Variants in SECISBP2 observed in about 807,000 individuals in gnomAD.
SECISBP2 encodes selenocysteine insertion sequence-binding protein 2.
In SECISBP2, 96 loss-of-function variants were observed where a neutral mutation model predicts 98.2. The ratio of observed to expected loss-of-function variants is 0.98; its 90% CI spans 0.83 to 1.16. SECISBP2 has a LOEUF of 1.16. Among genes scored for constraint, SECISBP2 ranks in the 50% most tolerant of loss-of-function variants. The pLI is 0.00. For synonymous variants in SECISBP2, 407 were observed against 370.2 expected (o/e 1.10, Z -1.14); for missense variants, 1,046 against 1,022.9 (o/e 1.02, Z -0.31).
intron 14 of SECISBP2, among the ~76,000 whole-genome samples, chr9:89,356,193 T>C (rs1016333442): frequency 2.0e-5 from 3 of 152,178 alleles, no homozygotes; most frequent in African/African-American, 7.2e-5. Flanking sequence ...ACAAACTCTG[T>C]TGTAAACTGC....
chr9:89,355,616 A>T, intron 14 of SECISBP2: 2 of 957,444 alleles, frequency 2.1e-6, no homozygotes, highest in Non-Finnish European at 2.5e-6. Context: ...CCATGCAGAG[A>T]CTTTAGGTGT....
Position 89,347,465 on chromosome 9 carries a change from CTT to C in SECISBP2, c.1602+440_1602+441del, listed in dbSNP as rs1184563393. ...CAGTCACAGGCTCCTCCGGTGAATT[CTT>C]TTTTTTTTTTTTTTTTTTTTTTGAG... is the stretch of plus-strand genomic sequence containing the variant. On this transcript the variant is annotated intron_variant, in intron 11 of 16. Transcript: ENST00000375807. Among the ~76,000 whole-genome samples, 858 of 87,344 alleles carry C rather than the reference CTT, an allele frequency of 9.8e-3. 3 individuals are homozygous for C. Among genetic ancestry groups the C allele is most frequent in the African/African-American group, 0.036 (815 of 22,814 alleles). The allele number at this position is 87,344 out of a possible 152,430, so 57.3% of individuals were successfully genotyped here. A position where few individuals can be genotyped will look rare whatever the true frequency, so the allele number is the denominator to read the frequency against.
At chr9:89,349,569 G>A (rs1201367294) in intron 12 of SECISBP2, among the ~76,000 whole-genome samples, 2 of 152,226 alleles carry the variant, frequency 1.3e-5, no homozygotes, top group Non-Finnish European at 2.9e-5. Context: ...ACACCTCCAG[G>A]CATGACTGCC....
In SECISBP2 at chr9:89,339,885, C is replaced by G. The variant is rs1432330173; in HGVS notation, c.1234C>G (p.Leu412Val). Residue 412 changes from leucine (L) to valine (V), a missense_variant, in exon 9 of 17, where the codon CTG becomes GTG. Transcript: ENST00000375807. ...RIEDAEEFPNLAVASERRDRI... is the reference protein window; with the variant it reads ...RIEDAEEFPNVAVASERRDRI... The stretch of plus-strand genomic sequence containing the variant: ...TTAGGATGCCGAGGAATTTCCCAAC[C>G]TGGCAGTTGCATCTGAAAGAAGAGA... The G allele has an allele frequency of 5.0e-6, 8 of 1,613,692 alleles. No homozygotes were observed. The highest frequency in any genetic ancestry group is 1.6e-4 in the Middle Eastern group (1 of 6,062).
At chr9:89,362,565 A>C (rs1832861678), downstream of SECISBP2, 28 of 1,489,932 alleles carry the variant, frequency 1.9e-5, no homozygotes, top group Middle Eastern at 3.7e-4. Flanking sequence ...CCCTCCTTGG[A>C]GTCTAAAGAT....
At chr9:89,338,379 A>G in intron 7 of SECISBP2, 79 bp from the exon 8 acceptor site, 1 of 1,504,702 alleles carries the variant, frequency 6.6e-7, no homozygotes, top group East Asian at 2.3e-5. Flanking sequence ...TTGATATCTT[A>G]ATTTTGTTGA....
At chr9:89,338,020 A>C (rs1463674385) in intron 7 of SECISBP2, among the ~76,000 whole-genome samples, 1 of 152,248 alleles carries the variant, frequency 6.6e-6, no homozygotes, top group African/African-American at 2.4e-5. Flanking sequence ...CACATTTAGC[A>C]GTCCTGGGAT....
At chr9:89,321,219 A>G (rs1425067029) in intron 2 of SECISBP2, among the ~76,000 whole-genome samples, 1 of 152,252 alleles carries the variant, frequency 6.6e-6, no homozygotes, top group Non-Finnish European at 1.5e-5. Flanking sequence ...ACAAAAATAT[A>G]TCTCAGTGAC....
intron 13 of SECISBP2, 81 bp from the exon 14 acceptor site, chr9:89,350,551 C>G: frequency 7.9e-7 from 1 of 1,261,168 alleles, no homozygotes; most frequent in Non-Finnish European, 1.2e-6. Context: ...GTCTACGTCT[C>G]TTCTCCCTGG....
rs1832408353 is a variant in SECISBP2 at position 89,358,266 on chromosome 9, G to A, written c.2461+75G>A. 5.5e-6 allele frequency: 8 copies of A among 1,455,944 alleles called. No homozygotes were observed. The South Asian group carries it at 9.7e-5, about 18-fold the overall frequency. 90.2% of individuals were successfully genotyped at this position (1,455,944 alleles called of 1,614,324 possible). ...TGACTTTAATTAGGAGTCCCTAGGT[G>A]AGCAGCTTGACAATGCTGCAAGACC... On this transcript the variant is annotated intron_variant, in intron 16 of 16. Coordinates refer to ENST00000375807, the MANE Select transcript of SECISBP2 (RefSeq NM_024077.5).
At chr9:89,320,308 A>G (rs1564303100) in intron 2 of SECISBP2, among the ~76,000 whole-genome samples, 2 of 149,562 alleles carry the variant, frequency 1.3e-5, no homozygotes, top group Admixed American at 6.7e-5. Context: ...GTGGGCCAAG[A>G]TAGCACCACT....
chr9:89,318,629 G>C lies in SECISBP2; in HGVS notation c.36+17G>C. On this transcript the variant is annotated intron_variant, in intron 1 of 16. Coordinates refer to ENST00000375807, the MANE Select transcript of SECISBP2 (RefSeq NM_024077.5). The stretch of plus-strand genomic sequence containing the variant: ...GAAAGCGAGGTAAGGGCCGACGGGG[G>C]CTCTCTCGGCAGCCTCAGTCCGTCC... 7.0e-7 allele frequency: 1 copy of C among 1,420,606 alleles called. No homozygotes were observed. Among genetic ancestry groups the C allele is most frequent in the African/African-American group, 1.5e-5 (1 of 65,638 alleles). The allele number at this position is 1,420,606 out of a possible 1,614,324, so 88.0% of individuals were successfully genotyped here.
downstream of SECISBP2, among the ~76,000 whole-genome samples, chr9:89,360,465 TAGAG>T (rs1222735197): frequency 1.3e-5 from 2 of 152,260 alleles, no homozygotes; most frequent in African/African-American, 4.8e-5. Flanking sequence ...AGATCTCCAC[TAGAG>T]ATGAATTCCT....
chr9:89,353,258 C>T (rs762213367), intron 14 of SECISBP2, among the ~76,000 whole-genome samples: 1 of 152,162 alleles, frequency 6.6e-6, no homozygotes, highest in Non-Finnish European at 1.5e-5. Flanking sequence ...GCACTGAGAA[C>T]TTCTGCTGTA....
At chr9:89,361,807 TCA>T (rs1377016252), downstream of SECISBP2, 3 of 154,908 alleles carry the variant, frequency 1.9e-5, no homozygotes, top group East Asian at 1.9e-4. Context: ...AGATCGCATC[TCA>T]CAGTCATTCA....
rs758402097 is a variant in SECISBP2 at position 89,347,025 on chromosome 9, A to G, written c.1579A>G (p.Lys527Glu). The G allele has an allele frequency of 2.5e-5, 41 of 1,614,186 alleles. No individual in the cohort carries two copies. Among genetic ancestry groups the G allele is most frequent in the Non-Finnish European group, 3.4e-5 (40 of 1,179,994 alleles). Residue 527 changes from lysine to glutamate, a missense_variant, in exon 11 of 17, where the codon AAG (lysine) becomes GAG (glutamate). Transcript: ENST00000375807. Reference sequence around the variant, plus strand: ...GAAGCAGAGGGAGATCCCCAAGGCCAAGAAGCCAACCTCACTGAAGAAGGT... The same window carrying G: ...GAAGCAGAGGGAGATCCCCAAGGCCGAGAAGCCAACCTCACTGAAGAAGGT... ...KGKQREIPKA[K>E]KPTSLKKIIL...
In SECISBP2 at chr9:89,328,709, T is replaced by G. The variant is rs187648942; in HGVS notation, c.624T>G (p.Asn208Lys). Residue 208 changes from asparagine (N) to lysine (K), a missense_variant, in exon 5 of 17, where the codon AAT becomes AAG. Asn to Lys is a moderately conservative substitution (Grantham distance 94). Coordinates refer to ENST00000375807, the MANE Select transcript of SECISBP2 (RefSeq NM_024077.5). ...TDRKSRIIAK[N>K]VSTSKPEFEF... ...GGAAATCCAGAATCATTGCAAAAAATGTATCTACCTCCAAACCTGAGTTTG... is the reference window on the plus strand; with the variant it reads ...GGAAATCCAGAATCATTGCAAAAAAGGTATCTACCTCCAAACCTGAGTTTG... The G allele has an allele frequency of 6.2e-7, 1 of 1,614,198 alleles. No homozygotes were observed. The highest frequency in any genetic ancestry group is 1.1e-5 in the South Asian group (1 of 91,088).
chr9:89,334,174 T>A, intron 6 of SECISBP2: 1 of 1,177,380 alleles, frequency 8.5e-7, no homozygotes, highest in Non-Finnish European at 1.1e-6. Context: ...GGCCAAAATT[T>A]GATCTTTAGT....
chr9:89,345,541 T>C (rs982565989), intron 10 of SECISBP2, among the ~76,000 whole-genome samples: 13 of 152,236 alleles, frequency 8.5e-5, no homozygotes, highest in African/African-American at 3.1e-4. Flanking sequence ...AGGGCTGATA[T>C]GACTGTGTTT....
Sources: allele counts gnomAD v4.1 joint callset (sites outside exome capture counted in the v4.1 genomes callset), GRCh38; gene constraint gnomAD v4.1.1; transcripts MANE v1.5; gene names NCBI Gene and HGNC (gene_info 2026-07-23, HGNC 2026-07-21).